The following LRCH1 variants were observed in gnomAD, a reference collection of about 807,000 sequenced individuals.
LRCH1 encodes the protein leucine-rich repeat and calponin homology domain-containing protein 1.
In LRCH1, 23 loss-of-function variants were observed where a neutral mutation model predicts 94.9. The observed-to-expected ratio is 0.24, with a 90% CI of 0.17 to 0.34. LRCH1 has a LOEUF of 0.34. Among genes scored for constraint, LRCH1 ranks in the 10% least tolerant of loss-of-function variants. LRCH1 has a pLI of 1.00. For missense variants in LRCH1, 790 were observed against 945.9 expected (o/e 0.84, Z 2.16); for synonymous variants, 364 against 354.9 (o/e 1.03, Z -0.29).
intron 17 of LRCH1, among the ~76,000 whole-genome samples, chr13:46,726,457 A>G (rs973639362): frequency 6.6e-6 from 1 of 152,166 alleles, no homozygotes; most frequent in Non-Finnish European, 1.5e-5. Context: ...GACTTTCTCT[A>G]ACCAAATAAC....
intron 1 of LRCH1, among the ~76,000 whole-genome samples, chr13:46,621,547 T>C (rs1241671357): frequency 6.6e-6 from 1 of 152,064 alleles, no homozygotes; most frequent in Non-Finnish European, 1.5e-5. Context: ...AGGGGAGAGA[T>C]TGGGGTAAGG....
chr13:46,641,314 C>T (rs1156421938), intron 1 of LRCH1, among the ~76,000 whole-genome samples: 3 of 152,124 alleles, frequency 2.0e-5, no homozygotes, highest in Non-Finnish European at 4.4e-5. Context: ...CTACCTCTAC[C>T]CAAGGACTAT....
chr13:46,733,954 G>T lies in LRCH1; in HGVS notation c.2041G>T (p.Val681Leu). Reference sequence around the variant, plus strand: ...TAGCATGGCCAAATGCAGAAGAAATGTGGAAAACTTTTTGGAAGCATGCCG... The same window carrying T: ...TAGCATGGCCAAATGCAGAAGAAATTTGGAAAACTTTTTGGAAGCATGCCG... ...KLSMAKCRRN[V>L]ENFLEACRKL... Residue 681 changes from valine (V) to leucine (L), a missense_variant, in exon 19 of 20, where the codon GTG becomes TTG. Physicochemically the swap from Val to Leu is conservative, Grantham distance 32. Coordinates refer to ENST00000389797, the MANE Select transcript of LRCH1 (RefSeq NM_001164211.2). 1 of 1,605,216 alleles carries T rather than the reference G, an allele frequency of 6.2e-7. No individual in the cohort carries two copies. Among genetic ancestry groups the T allele is most frequent in the South Asian group, 1.1e-5 (1 of 88,878 alleles).
At chr13:46,607,439 T>G (rs773163200) in intron 1 of LRCH1, among the ~76,000 whole-genome samples, 16 of 152,326 alleles carry the variant, frequency 1.1e-4, no homozygotes, top group Non-Finnish European at 2.4e-4. Context: ...GGTGCTTTTC[T>G]GTAATTTGGG....
At chr13:46,709,160 C>T (rs1871929013) in intron 13 of LRCH1, among the ~76,000 whole-genome samples, 1 of 152,208 alleles carries the variant, frequency 6.6e-6, no homozygotes, top group South Asian at 2.1e-4. Context: ...TCATCTGACA[C>T]TTTTCCACAT....
At position 46,650,214 on chromosome 13, in the gene LRCH1, C is replaced by CA; in HGVS notation, c.322dup (p.Arg108LysfsTer4). 6.2e-7 allele frequency: 1 copy of CA among 1,610,412 alleles called. No individual in the cohort carries two copies. The highest frequency in any genetic ancestry group is 2.2e-5 in the East Asian group (1 of 44,764). On this transcript the variant is annotated frameshift_variant, in exon 2 of 20. Coordinates refer to ENST00000389797, the MANE Select transcript of LRCH1 (RefSeq NM_001164211.2). LOFTEE classifies it high-confidence loss of function. ...CTTTTCTTATAGACTTATCTAAAAACAGACTGGTTGAAGTTCCAATGGAAT... is the reference window on the plus strand; with the variant it reads ...CTTTTCTTATAGACTTATCTAAAAACAAGACTGGTTGAAGTTCCAATGGAAT...
chr13:46,636,059 C>CTTTT (rs34118906), intron 1 of LRCH1, among the ~76,000 whole-genome samples: 8 of 73,588 alleles, frequency 1.1e-4, no homozygotes, highest in East Asian at 5.1e-4. Flanking sequence ...CCATGTCAAC[C>CTTTT]TTTTTTTTTT....
At chr13:46,605,918 A>T (rs2050681763) in intron 1 of LRCH1, among the ~76,000 whole-genome samples, 1 of 152,320 alleles carries the variant, frequency 6.6e-6, no homozygotes, top group South Asian at 2.1e-4. Context: ...GGCTTCTTAG[A>T]TATTGTCGGG....
intron 1 of LRCH1, among the ~76,000 whole-genome samples, chr13:46,609,463 A>G (rs2050723265): frequency 6.6e-6 from 1 of 152,304 alleles, no homozygotes; most frequent in South Asian, 2.1e-4. Flanking sequence ...GGCACAAGGA[A>G]ATAAATTGTC....
At chr13:46,577,477 A>G (rs1177645099) in intron 1 of LRCH1, among the ~76,000 whole-genome samples, 2 of 152,280 alleles carry the variant, frequency 1.3e-5, no homozygotes, top group South Asian at 4.1e-4. Flanking sequence ...TATTTGCAAA[A>G]TCCCTTTGCC....
Position 46,741,962 on chromosome 13 carries a change from C to T in LRCH1, c.*114C>T. ...CCATCCCTGTCATGTCTTCAGTTATCTCTCGAGTTTTGAAGCTGAACAGTA... is the reference window on the plus strand; with the variant it reads ...CCATCCCTGTCATGTCTTCAGTTATTTCTCGAGTTTTGAAGCTGAACAGTA... On this transcript the variant is annotated 3_prime_UTR_variant, in exon 20 of 20. Transcript: ENST00000389797. 1 of 1,550,654 alleles carries T rather than the reference C, an allele frequency of 6.4e-7. No homozygotes were observed.
At chr13:46,604,660 G>A (rs1179636779) in intron 1 of LRCH1, among the ~76,000 whole-genome samples, 1 of 152,124 alleles carries the variant, frequency 6.6e-6, no homozygotes, top group Non-Finnish European at 1.5e-5. Flanking sequence ...TTATCCTTTT[G>A]TTTCTTTTTT....
chr13:46,647,631 A>C (rs1420032969), intron 1 of LRCH1, among the ~76,000 whole-genome samples: 1 of 152,036 alleles, frequency 6.6e-6, no homozygotes, highest in Non-Finnish European at 1.5e-5. Flanking sequence ...GTGTGTGTTG[A>C]ATTTGGCACT....
chr13:46,699,370 T>C lies in LRCH1; in HGVS notation c.1280T>C (p.Ile427Thr). Residue 427 changes from isoleucine (I) to threonine (T), a missense_variant, in exon 10 of 20, where the codon ATA becomes ACA. Coordinates refer to ENST00000389797, the MANE Select transcript of LRCH1 (RefSeq NM_001164211.2). ...RAEDCEELLR[I>T]EEDVHWQTEG... ...GAAGACTGTGAAGAGCTGTTACGGA[T>C]AGAAGAGGATGTGCACTGGCAAACT... 6.8e-6 allele frequency: 11 copies of C among 1,614,120 alleles called. No homozygotes were observed. The highest frequency in any genetic ancestry group is 9.3e-6 in the Non-Finnish European group (11 of 1,179,942).
At chr13:46,712,626 A>C (rs745450034) in intron 15 of LRCH1, 29 bp downstream of exon 15, 2 of 1,571,744 alleles carry the variant, frequency 1.3e-6, no homozygotes, top group African/African-American at 2.7e-5. Flanking sequence ...CCATTCTTAC[A>C]CTAAATAACT....
At chr13:46,674,440 A>T (rs2051644057) in intron 3 of LRCH1, among the ~76,000 whole-genome samples, 1 of 152,206 alleles carries the variant, frequency 6.6e-6, no homozygotes, top group Non-Finnish European at 1.5e-5. Context: ...TTGTATTTCC[A>T]CATTGTTGCA....
chr13:46,658,710 G>T (rs1044466218), intron 2 of LRCH1, among the ~76,000 whole-genome samples: 1 of 152,080 alleles, frequency 6.6e-6, no homozygotes, highest in African/African-American at 2.4e-5. Flanking sequence ...CAAACTCCTG[G>T]ACACAAGTGA....
chr13:46,751,328 G>GA (rs760235388), exon 19 of LRCH1: 1 of 151,980 alleles, frequency 6.6e-6, no homozygotes, highest in Admixed American at 6.6e-5. Flanking sequence ...AAAAAAAAGC[G>GA]AAAAACAGGT....
intron 1 of LRCH1, among the ~76,000 whole-genome samples, chr13:46,641,693 C>A (rs2051159676): frequency 6.6e-6 from 1 of 152,150 alleles, no homozygotes; most frequent in Non-Finnish European, 1.5e-5. Context: ...GCTGATAACT[C>A]AGGATGTTGT....
Sources: allele counts gnomAD v4.1 joint callset (sites outside exome capture counted in the v4.1 genomes callset), GRCh38; gene constraint gnomAD v4.1.1; transcripts MANE v1.5; gene names NCBI Gene and HGNC (gene_info 2026-07-23, HGNC 2026-07-21).